The following ZNF254 variants were observed in gnomAD, a reference collection of about 807,000 sequenced individuals.
ZNF254 encodes zinc finger protein 254, also known as CTD-2017D11.1.
Under a neutral mutation model 12.4 loss-of-function variants are expected in ZNF254, and 10 were observed. The observed-to-expected ratio is 0.80, with a 90% CI of 0.50 to 1.36. ZNF254 has a LOEUF of 1.36. ZNF254 is among the 40% of genes most tolerant of loss of function. The pLI, the probability that ZNF254 is intolerant of heterozygous loss-of-function variation, is 0.00. For synonymous variants in ZNF254, 305 were observed against 253.4 expected, an observed-to-expected ratio of 1.20 and a Z score of -1.93; for missense variants, 996 against 763.9, an observed-to-expected ratio of 1.30 and a Z score of -3.58.
intron 2 of ZNF254, chr19:24,046,385 A>G (rs1369147899): frequency 1.0e-5 from 1 of 96,726 alleles, no homozygotes; most frequent in Non-Finnish European, 2.3e-5. Flanking sequence ...ATATATATAT[A>G]TATATATATA....
intron 3 of ZNF254, among the ~76,000 whole-genome samples, chr19:24,109,360 C>T (rs750988434): frequency 6.6e-6 from 1 of 152,132 alleles, no homozygotes; most frequent in Non-Finnish European, 1.5e-5. Flanking sequence ...GTTATCTAGA[C>T]AAATTGTTTG....
intron 3 of ZNF254, among the ~76,000 whole-genome samples, chr19:24,122,675 C>A (rs1019576816): frequency 1.3e-5 from 2 of 148,328 alleles, no homozygotes; most frequent in African/African-American, 5.0e-5. Flanking sequence ...CTTTATAGTT[C>A]GTACAATATT....
chr19:24,118,252 C>T (rs550453983), intron 3 of ZNF254, among the ~76,000 whole-genome samples: 1 of 152,072 alleles, frequency 6.6e-6, no homozygotes, highest in African/African-American at 2.4e-5. Context: ...TGGGGTTTCA[C>T]CATGTTGATC....
intron 3 of ZNF254, among the ~76,000 whole-genome samples, chr19:24,119,829 C>G (rs1013819583): frequency 1.5e-4 from 23 of 151,832 alleles, no homozygotes; most frequent in Non-Finnish European, 2.9e-4. Flanking sequence ...AATGAAATTA[C>G]TAGTTTTATT....
chr19:24,093,980 T>C lies in ZNF254; in HGVS notation c.30+6643T>C, dbSNP rs187106041. On this transcript the variant is annotated intron_variant, in intron 1 of 3. Transcript: ENST00000357002. ...TTTAAGCATTGTTTTGCAATTCTTA[T>C]AGAGATCTTTCACCTTCCTGGTATT... Among the ~76,000 whole-genome samples, 312 of 152,306 alleles carry C rather than the reference T, an allele frequency of 2.0e-3. 1 individual carries two copies. Among genetic ancestry groups the C allele is most frequent in the African/African-American group, 7.3e-3 (302 of 41,586 alleles).
intron 2 of ZNF254, among the ~76,000 whole-genome samples, chr19:24,072,474 A>C (rs546458535): frequency 6.6e-6 from 1 of 152,160 alleles, no homozygotes; most frequent in South Asian, 2.1e-4. Context: ...GCCACGCCTT[A>C]TTACCCTCCT....
At chr19:24,068,766 G>C (rs1321426825) in intron 2 of ZNF254, among the ~76,000 whole-genome samples, 1 of 152,128 alleles carries the variant, frequency 6.6e-6, no homozygotes, top group East Asian at 1.9e-4. Context: ...CTACCCACCA[G>C]TGTCATTGGG....
chr19:24,067,445 G>A (rs1971318383), intron 2 of ZNF254, among the ~76,000 whole-genome samples: 1 of 151,484 alleles, frequency 6.6e-6, no homozygotes. Context: ...TTGACATATC[G>A]CTGGGCCCAG....
At chr19:24,108,303 T>C (rs1973461275) in intron 3 of ZNF254, among the ~76,000 whole-genome samples, 2 of 152,124 alleles carry the variant, frequency 1.3e-5, no homozygotes, top group Non-Finnish European at 2.9e-5. Context: ...GGGAAGAGTT[T>C]GGGATGTTTA....
chr19:24,115,996 T>C, intron 3 of ZNF254, among the ~76,000 whole-genome samples: 1 of 152,236 alleles, frequency 6.6e-6, no homozygotes, highest in Non-Finnish European at 1.5e-5. Flanking sequence ...TTGAAAATTC[T>C]TTTCTTTAAG....
chr19:24,086,714 T>C (rs866874597), upstream of ZNF254, among the ~76,000 whole-genome samples: 1 of 152,202 alleles, frequency 6.6e-6, no homozygotes, highest in South Asian at 2.1e-4. Flanking sequence ...TGACCTAATG[T>C]GATCCGCCCG....
intron 1 of ZNF254, among the ~76,000 whole-genome samples, chr19:24,091,206 A>G (rs1009725241): frequency 1.3e-5 from 2 of 151,590 alleles, no homozygotes; most frequent in Non-Finnish European, 2.9e-5. Context: ...GGGCCTCCCA[A>G]AGTGCTGGGA....
In ZNF254 at chr19:24,116,495, T is replaced by C. The variant is rs1439631452; in HGVS notation, c.254-9759T>C. 2.0e-5 allele frequency among the ~76,000 whole-genome samples: 3 copies of C among 152,142 alleles called. No individual in the cohort carries two copies. In the South Asian group the frequency reaches 6.2e-4, roughly 31 times the overall value. ...TCTTCCAGGTGATTGCATCAGCTCC[T>C]GAGGCTTCTGCATTCTTCATGTAGT... On this transcript the variant is annotated intron_variant, in intron 3 of 3. Coordinates refer to ENST00000357002, the MANE Select transcript of ZNF254 (RefSeq NM_203282.4).
chr19:24,035,623 A>G (rs1969936722), intron 1 of ZNF254, among the ~76,000 whole-genome samples: 1 of 152,140 alleles, frequency 6.6e-6, no homozygotes, highest in Non-Finnish European at 1.5e-5. Flanking sequence ...CAGTGAGCCG[A>G]GATTGCACCA....
intron 2 of ZNF254, among the ~76,000 whole-genome samples, chr19:24,052,511 A>G (rs1227450431): frequency 6.6e-6 from 1 of 152,102 alleles, no homozygotes; most frequent in Non-Finnish European, 1.5e-5. Context: ...CACTGGGAAG[A>G]TTGTGGCAAA....
Position 24,127,732 on chromosome 19 carries a change from G to T in ZNF254, c.1732G>T (p.Glu578Ter). ...HTGEKPYKCEECGKSFNRSST... is the reference protein window; with the variant it reads ...HTGEKPYKCE ...TGGAGAGAAACCCTATAAATGTGAAGAATGTGGCAAATCTTTTAACCGGTC... is the reference window on the plus strand; with the variant it reads ...TGGAGAGAAACCCTATAAATGTGAATAATGTGGCAAATCTTTTAACCGGTC... Residue 578 changes from glutamate (E) to a stop codon, truncating the protein, a stop_gained, in exon 4 of 4, where the codon GAA becomes TAA. Transcript: ENST00000357002. LOFTEE classifies it low-confidence loss of function (END_TRUNC). 7 of 1,612,726 alleles carry T rather than the reference G, an allele frequency of 4.3e-6. No homozygotes were observed. Among genetic ancestry groups the T allele is most frequent in the Non-Finnish European group, 5.9e-6 (7 of 1,179,556 alleles).
At chr19:24,056,846 C>T (rs1970875491) in intron 2 of ZNF254, among the ~76,000 whole-genome samples, 1 of 152,156 alleles carries the variant, frequency 6.6e-6, no homozygotes, top group African/African-American at 2.4e-5. Flanking sequence ...ACTGAGCACC[C>T]AGGTTTTAAT....
chr19:24,107,690 T>C (rs1244511177), intron 3 of ZNF254, among the ~76,000 whole-genome samples: 2 of 152,224 alleles, frequency 1.3e-5, no homozygotes, highest in Admixed American at 1.3e-4. Context: ...CTATTTTGTC[T>C]TCCACATGCT....
rs567912920 is a variant in ZNF254, at chr19:24,091,955, C to T, written c.30+4618C>T. On this transcript the variant is annotated intron_variant, in intron 1 of 3. Transcript: ENST00000357002. ...AGTGCAGAGGCGCAATCTCAGCTCACTGCAAGCTCTGTCTCCCGGGTTCAC... is the reference window on the plus strand; with the variant it reads ...AGTGCAGAGGCGCAATCTCAGCTCATTGCAAGCTCTGTCTCCCGGGTTCAC... 5 of 382,866 alleles carry T rather than the reference C, an allele frequency of 1.3e-5. No individual in the cohort carries two copies. The East Asian group carries it at 6.6e-4, about 51-fold the overall frequency. The allele number at this position is 382,866 out of a possible 1,614,324, so 23.7% of individuals were successfully genotyped here.
Sources: allele counts gnomAD v4.1 joint callset (sites outside exome capture counted in the v4.1 genomes callset), GRCh38; gene constraint gnomAD v4.1.1; transcripts MANE v1.5; gene names NCBI Gene and HGNC (gene_info 2026-07-23, HGNC 2026-07-21).